The following CRB1 variants were observed in gnomAD, a reference collection of about 807,000 sequenced individuals.
The protein encoded by CRB1 is protein crumbs homolog 1.
Under a neutral mutation model 120.0 loss-of-function variants are expected in CRB1, and 83 were observed. The ratio of observed to expected loss-of-function variants is 0.69; its 90% CI spans 0.58 to 0.83. The LOEUF (loss-of-function observed/expected upper bound fraction) is 0.83. Among genes scored for constraint, CRB1 ranks in the 40% least tolerant of loss-of-function variants. The probability of loss-of-function intolerance (pLI) is 0.00; values close to 1 mark genes in which losing one functional copy is unlikely to be tolerated. For missense variants in CRB1, 1,699 were observed against 1,687.6 expected (o/e 1.01, Z -0.12); for synonymous variants, 625 against 612.5 (o/e 1.02, Z -0.30).
intron 11 of CRB1, among the ~76,000 whole-genome samples, chr1:197,463,659 CTT>C (rs1297995212): frequency 6.6e-6 from 1 of 152,132 alleles, no homozygotes; most frequent in Non-Finnish European, 1.5e-5. Context: ...CTTAAATCAT[CTT>C]TTAAATACAT....
At chr1:197,232,819 G>A in the CRB1 span, among the ~76,000 whole-genome samples, 2 of 151,888 alleles carry the variant, frequency 1.3e-5, no homozygotes, top group Non-Finnish European at 2.9e-5. Flanking sequence ...AACATTTTAA[G>A]GACTGCTTAA....
the CRB1 span, among the ~76,000 whole-genome samples, chr1:197,215,122 T>A: frequency 1.3e-5 from 2 of 152,126 alleles, no homozygotes; most frequent in African/African-American, 4.8e-5. Flanking sequence ...TCAACATTCT[T>A]CAATGATAAA....
At chr1:197,472,699 C>G (rs377610113) in intron 11 of CRB1, among the ~76,000 whole-genome samples, 3 of 152,088 alleles carry the variant, frequency 2.0e-5, no homozygotes, top group African/African-American at 4.8e-5. Flanking sequence ...AACTCTCAAG[C>G]AATTAGTAAC....
At chr1:197,302,780 C>T (rs1468213339) in intron 1 of CRB1, among the ~76,000 whole-genome samples, 6 of 152,166 alleles carry the variant, frequency 3.9e-5, no homozygotes, top group Admixed American at 3.9e-4. Flanking sequence ...ACAAGAGCCC[C>T]TTTAGGTCAG....
chr1:197,439,958 T>C (rs1431276583), intron 10 of CRB1: 1 of 152,210 alleles, frequency 6.6e-6, no homozygotes. Context: ...GCCTGCCTTC[T>C]GTGGTTGGTT....
intron 8 of CRB1, among the ~76,000 whole-genome samples, chr1:197,433,755 G>A (rs940544311): frequency 2.0e-5 from 3 of 152,076 alleles, no homozygotes; most frequent in Non-Finnish European, 2.9e-5. Flanking sequence ...ATGCATAGAG[G>A]AATAATATGT....
chr1:197,372,398 A>G (rs2125384801), intron 5 of CRB1, among the ~76,000 whole-genome samples: 1 of 152,334 alleles, frequency 6.6e-6, no homozygotes, highest in African/African-American at 2.4e-5. Context: ...CTAACCCCCA[A>G]AGGAGAGACA....
chr1:197,429,545 G>A lies in CRB1; in HGVS notation c.2773G>A (p.Val925Ile). ...CACAAGTGGGAAAGCCTGTGAGGAG[G>A]TTCAGTGGTGTGGATTCAGCCCGTG... ...ALTSGKACEE[V>I]QWCGFSPCPH... The change falls in exon 8 of 12, where the codon GTT becomes ATT. Residue 925 changes from valine to isoleucine, a missense_variant. Transcript: ENST00000367400. The A allele has an allele frequency of 6.2e-7, 1 of 1,614,032 alleles. No homozygotes were observed. The highest frequency in any genetic ancestry group is 8.5e-7 in the Non-Finnish European group (1 of 1,179,962).
intron 5 of CRB1, among the ~76,000 whole-genome samples, chr1:197,390,711 A>C (rs909056705): frequency 6.6e-6 from 1 of 152,106 alleles, no homozygotes; most frequent in Admixed American, 6.6e-5. Context: ...TAAAGACGTG[A>C]ATTTTTTTAA....
intron 9 of CRB1, 111 bp from the exon 10 acceptor site, chr1:197,438,436 C>A: frequency 1.5e-6 from 2 of 1,328,228 alleles, no homozygotes. Flanking sequence ...CTCCTCCAGC[C>A]TGAGTACTTA....
chr1:197,471,515 C>T (rs1205679789), intron 11 of CRB1, among the ~76,000 whole-genome samples: 2 of 152,270 alleles, frequency 1.3e-5, no homozygotes, highest in Admixed American at 6.5e-5. Flanking sequence ...TCCCTGCTGT[C>T]GGCCTGCTGC....
chr1:197,266,634 C>T (rs906246226), upstream of CRB1, among the ~76,000 whole-genome samples: 8 of 152,140 alleles, frequency 5.3e-5, no homozygotes, highest in Admixed American at 5.2e-4. Flanking sequence ...TGGCTATATC[C>T]ACTTACTTTT....
intron 3 of CRB1, among the ~76,000 whole-genome samples, chr1:197,345,595 G>T (rs1285425533): frequency 2.2e-5 from 3 of 134,460 alleles, no homozygotes; most frequent in African/African-American, 8.5e-5. Flanking sequence ...CGCAACCTCC[G>T]CCTTCCGGTT....
At chr1:197,338,076 A>G (rs1659255939) in intron 2 of CRB1, among the ~76,000 whole-genome samples, 1 of 152,002 alleles carries the variant, frequency 6.6e-6, no homozygotes, top group Non-Finnish European at 1.5e-5. Context: ...AAAACATAAA[A>G]TTAAAGCATA....
At chr1:197,383,518 T>C (rs1662062433) in intron 5 of CRB1, among the ~76,000 whole-genome samples, 1 of 152,214 alleles carries the variant, frequency 6.6e-6, no homozygotes, top group South Asian at 2.1e-4. Flanking sequence ...AAGATACTCT[T>C]TGTTGAATTC....
intron 4 of CRB1, among the ~76,000 whole-genome samples, chr1:197,349,603 G>A (rs1256956687): frequency 6.6e-6 from 1 of 152,156 alleles, no homozygotes; most frequent in Non-Finnish European, 1.5e-5. Flanking sequence ...AATCTAATCA[G>A]TAGTAGCTTC....
intron 1 of CRB1, among the ~76,000 whole-genome samples, chr1:197,291,321 G>A (rs1049199706): frequency 3.3e-5 from 5 of 151,474 alleles, no homozygotes; most frequent in Non-Finnish European, 7.4e-5. Flanking sequence ...CAACACTGTG[G>A]GATAATAAAC....
chr1:197,306,477 C>T (rs531910114), intron 1 of CRB1, among the ~76,000 whole-genome samples: 1 of 152,156 alleles, frequency 6.6e-6, no homozygotes, highest in South Asian at 2.1e-4. Flanking sequence ...AGTAAACAGT[C>T]CAGGCTGAGC....
intron 11 of CRB1, chr1:197,443,981 A>G (rs1048009898): frequency 2.6e-5 from 4 of 152,196 alleles, no homozygotes; most frequent in African/African-American, 9.6e-5. Context: ...TGGCCTGCCA[A>G]ATGTCATTTT....
Sources: gnomAD v4.1 joint callset for allele counts (sites outside exome capture counted in the v4.1 genomes callset) on GRCh38, gnomAD v4.1.1 for gene constraint, MANE v1.5 for transcripts, NCBI Gene and HGNC (gene_info 2026-07-23, HGNC 2026-07-21) for gene names.